Variants in NRXN1 observed in about 807,000 individuals in gnomAD.
The protein encoded by NRXN1 is neurexin 1, also known as neurexin-1.
In NRXN1, 39 loss-of-function variants were observed where a neutral mutation model predicts 150.9. The ratio of observed to expected loss-of-function variants is 0.26; its 90% CI spans 0.20 to 0.34. The LOEUF is 0.34. NRXN1 is among the 10% of genes least tolerant of loss of function. NRXN1 has a pLI of 1.00. For missense variants in NRXN1, 1,815 were observed against 1,949.9 expected (o/e 0.93, Z 1.30); for synonymous variants, 924 against 757.0 (o/e 1.22, Z -3.62).
At chr2:50,464,814 C>A (rs1248859299) in intron 17 of NRXN1, among the ~76,000 whole-genome samples, 1 of 151,856 alleles carries the variant, frequency 6.6e-6, no homozygotes, top group Non-Finnish European at 1.5e-5. Context: ...CATCTTCAAA[C>A]CCTCACTGCT....
chr2:50,091,658 T>C (rs1699594671), intron 18 of NRXN1, among the ~76,000 whole-genome samples, 164 bp from the exon 19 acceptor site: 1 of 152,230 alleles, frequency 6.6e-6, no homozygotes, highest in African/African-American at 2.4e-5. Flanking sequence ...ATTCTTGACA[T>C]CTGGGTAAAT....
intron 5 of NRXN1, among the ~76,000 whole-genome samples, chr2:50,691,030 A>G (rs1432824124): frequency 7.2e-5 from 11 of 152,188 alleles, no homozygotes; most frequent in Admixed American, 7.2e-4. Flanking sequence ...ATTTTTTTCT[A>G]AAGACATTTT....
At position 51,028,013 on chromosome 2, in the gene NRXN1, G is replaced by T. The variant is rs587781102; in HGVS notation, c.261C>A (p.Gly87=). Residue 87 remains glycine (G), a synonymous_variant, in exon 2 of 23, where the codon GGC becomes GGA. Coordinates refer to ENST00000401669, the MANE Select transcript of NRXN1 (RefSeq NM_001330078.2). The part of the protein sequence containing the change: ...DFLELILTRG[G]RLQLSFSIFC... ...AGATGGAGAAGCTGAGCTGCAGGCG[G>T]CCGCCGCGCGTCAGAATCAGCTCCA... 11 of 1,599,214 alleles carry T rather than the reference G, an allele frequency of 6.9e-6. No individual in the cohort carries two copies. Among genetic ancestry groups the T allele is most frequent in the Admixed American group, 5.0e-5 (3 of 59,832 alleles).
chr2:50,538,213 T>A, intron 10 of NRXN1, 40 bp downstream of exon 10: 1 of 1,576,984 alleles, frequency 6.3e-7, no homozygotes, highest in Non-Finnish European at 8.6e-7. Context: ...AATAAACTTT[T>A]CATCTCAGGG....
intron 5 of NRXN1, among the ~76,000 whole-genome samples, chr2:50,636,128 A>G (rs185098196): frequency 1.3e-5 from 2 of 152,214 alleles, no homozygotes; most frequent in Admixed American, 6.5e-5. Context: ...GGCTCATTAC[A>G]TAAGAACGAG....
At chr2:50,249,540 A>T (rs2066841722) in intron 17 of NRXN1, among the ~76,000 whole-genome samples, 1 of 152,136 alleles carries the variant, frequency 6.6e-6, no homozygotes, top group Non-Finnish European at 1.5e-5. Context: ...ATAAAGCACC[A>T]TGCTAGATCC....
intron 2 of NRXN1, among the ~76,000 whole-genome samples, chr2:50,975,830 T>C (rs532606182): frequency 6.6e-6 from 1 of 152,032 alleles, no homozygotes; most frequent in African/African-American, 2.4e-5. Context: ...GCAGATTACA[T>C]GGGAAGGGCT....
At chr2:50,371,700 A>G (rs2080040966) in intron 17 of NRXN1, among the ~76,000 whole-genome samples, 1 of 152,010 alleles carries the variant, frequency 6.6e-6, no homozygotes. Context: ...TTTTATGGAA[A>G]GTGGATCCAC....
At chr2:50,723,903 G>A (rs193188815) in intron 5 of NRXN1, among the ~76,000 whole-genome samples, 2 of 152,264 alleles carry the variant, frequency 1.3e-5, no homozygotes, top group Admixed American at 6.5e-5. Flanking sequence ...ATTTATACAT[G>A]CTCATATATC....
chr2:50,063,519 G>C (rs1297141758), intron 19 of NRXN1, among the ~76,000 whole-genome samples: 5 of 146,366 alleles, frequency 3.4e-5, no homozygotes, highest in African/African-American at 1.3e-4. Flanking sequence ...GCATCCCTGT[G>C]TACTCAACAT....
At chr2:50,355,057 A>T (rs979756596) in intron 17 of NRXN1, among the ~76,000 whole-genome samples, 1 of 152,092 alleles carries the variant, frequency 6.6e-6, no homozygotes, top group African/African-American at 2.4e-5. Context: ...CCATATGTTT[A>T]ATTTCCTGAA....
At chr2:50,738,414 C>G (rs1480982045) in intron 5 of NRXN1, among the ~76,000 whole-genome samples, 18 of 152,156 alleles carry the variant, frequency 1.2e-4, no homozygotes, top group Non-Finnish European at 1.5e-5. Flanking sequence ...TTAAACAATA[C>G]AGACTCATTT....
At chr2:50,041,864 T>A (rs1194349986) in intron 21 of NRXN1, among the ~76,000 whole-genome samples, 1 of 152,150 alleles carries the variant, frequency 6.6e-6, no homozygotes, top group Non-Finnish European at 1.5e-5. Context: ...GAGACTCTAG[T>A]AAACCTCTGG....
intron 2 of NRXN1, chr2:50,979,323 T>C: frequency 1.9e-6 from 1 of 514,692 alleles, no homozygotes; most frequent in Non-Finnish European, 3.9e-6. Flanking sequence ...GTGACAGCAA[T>C]TCCATCCCTA....
At chr2:50,373,679 A>AAAGAAGGAAGGAAAGAAAGAAAGAAAG (rs1553513456) in intron 17 of NRXN1, among the ~76,000 whole-genome samples, 1 of 65,638 alleles carries the variant, frequency 1.5e-5, no homozygotes, top group Non-Finnish European at 3.0e-5. Flanking sequence ...AGAAAGAAAG[A>AAAGAAGGAAGGAAAGAAAGAAAGAAAG]AAAGAAAGAA....
chr2:50,876,314 T>C (rs1448313027), intron 5 of NRXN1, among the ~76,000 whole-genome samples: 1 of 151,674 alleles, frequency 6.6e-6, no homozygotes, highest in Non-Finnish European at 1.5e-5. Flanking sequence ...GTGACACCAT[T>C]ATCATGATGA....
At chr2:50,584,723 A>G (rs1221885983) in intron 8 of NRXN1, among the ~76,000 whole-genome samples, 1 of 152,220 alleles carries the variant, frequency 6.6e-6, no homozygotes, top group Non-Finnish European at 1.5e-5. Flanking sequence ...GTTCAAGGTC[A>G]GTATTGATGC....
At chr2:50,248,034 C>G (rs1342168863) in intron 17 of NRXN1, among the ~76,000 whole-genome samples, 2 of 151,944 alleles carry the variant, frequency 1.3e-5, no homozygotes, top group Admixed American at 1.3e-4. Context: ...TTTATTGAGA[C>G]AGAGTCTCAT....
intron 9 of NRXN1, among the ~76,000 whole-genome samples, chr2:50,551,929 T>G (rs1667602705): frequency 6.6e-6 from 1 of 152,124 alleles, no homozygotes. Flanking sequence ...CAAATTTCAG[T>G]GTAAATGTGA....
Sources: allele counts gnomAD v4.1 joint callset (sites outside exome capture counted in the v4.1 genomes callset), GRCh38; gene constraint gnomAD v4.1.1; transcripts MANE v1.5; gene names NCBI Gene and HGNC (gene_info 2026-07-23, HGNC 2026-07-21).